Variants in OR6Y1 observed in about 807,000 individuals in gnomAD.
OR6Y1 encodes the protein olfactory receptor 6Y1.
OR6Y1 carries 1 observed loss-of-function variant against 0.4 expected under a neutral mutation model. The observed-to-expected ratio is 2.74, with a 90% confidence interval of 0.97 to 13.02. The LOEUF is 13.02. OR6Y1 is among the 30% of genes most tolerant of loss of function. The pLI is 0.12. For missense variants in OR6Y1, 480 were observed against 399.8 expected, an observed-to-expected ratio of 1.20 and a Z score of -1.71; for synonymous variants, 173 against 141.1, an observed-to-expected ratio of 1.23 and a Z score of -1.60.
intron 1 of OR6Y1, among the ~76,000 whole-genome samples, chr1:158,553,631 G>A (rs1647758677): frequency 6.6e-6 from 1 of 152,004 alleles, no homozygotes; most frequent in South Asian, 2.1e-4. Flanking sequence ...ACATCATTTT[G>A]TTTGTCAGTC....
chr1:158,548,268 T>G lies in OR6Y1; in HGVS notation c.-163A>C. ...GAATTATGAAGAGAACCAAAGCTTT[T>G]GAGAAAAGATGGAATTTAGGGAGCT... is the stretch of plus-strand genomic sequence containing the variant. On this transcript the variant is annotated 5_prime_UTR_variant, in exon 2 of 2. Coordinates refer to ENST00000641622, the MANE Select transcript of OR6Y1 (RefSeq NM_001005189.2). The G allele has an allele frequency of 1.6e-6, 1 of 644,762 alleles. No individual in the cohort carries two copies. The highest frequency in any genetic ancestry group is 2.6e-6 in the Non-Finnish European group (1 of 388,764). 39.9% of individuals were successfully genotyped at this position (644,762 alleles called of 1,614,324 possible).
In OR6Y1 at chr1:158,547,143, C is replaced by T; in HGVS notation, c.963G>A (p.Gly321=). The T allele has an allele frequency of 1.9e-6, 3 of 1,612,432 alleles. No individual in the cohort carries two copies. Among genetic ancestry groups the T allele is most frequent in the Non-Finnish European group, 2.5e-6 (3 of 1,179,662 alleles). Residue 321 remains glycine (G), a synonymous_variant, in exon 2 of 2, where the codon GGG becomes GGA. Transcript: ENST00000641622. ...HCRGSGPQGN[G]AFSS is the part of the protein sequence containing the mutation. ...TATACATTTTTTAACTACTGAAAGC[C>T]CCATTTCCCTGGGGCCCACTTCCTC...
At position 158,547,772 on chromosome 1, in the gene OR6Y1, A is replaced by C; in HGVS notation, c.334T>G (p.Phe112Val). 1 of 1,613,560 alleles carries C rather than the reference A, an allele frequency of 6.2e-7. No individual in the cohort carries two copies. The highest frequency in any genetic ancestry group is 2.2e-5 in the East Asian group (1 of 44,866). Residue 112 changes from phenylalanine to valine, a missense_variant, in exon 2 of 2, where the codon TTT becomes GTT. Coordinates refer to ENST00000641622, the MANE Select transcript of OR6Y1 (RefSeq NM_001005189.2). ...AGAAGGATGTACTCAGTGCAGACAA[A>C]GGTCACAAAAAAGTAAAGTTGAGTC... ...CMTQLYFFVTFVCTEYILLAI... is the reference protein window; with the variant it reads ...CMTQLYFFVTVVCTEYILLAI...
At chr1:158,552,503 A>G (rs1480942379) in intron 1 of OR6Y1, among the ~76,000 whole-genome samples, 3 of 152,036 alleles carry the variant, frequency 2.0e-5, no homozygotes, top group Non-Finnish European at 4.4e-5. Context: ...GACCTTTCCC[A>G]CAGCTAGTGG....
rs755758346 is a variant in OR6Y1 at position 158,545,195 on chromosome 1, T to G, written c.*1933A>C. 6.6e-6 allele frequency: 1 copy of G among 151,824 alleles called. No homozygotes were observed. The highest frequency in any genetic ancestry group is 2.4e-5 in the African/African-American group (1 of 41,330). 9.4% of individuals were successfully genotyped at this position (151,824 alleles called of 1,614,324 possible). A position where few individuals can be genotyped will look rare whatever the true frequency, so the allele number is the denominator to read the frequency against. On this transcript the variant is annotated 3_prime_UTR_variant, in exon 2 of 2. Coordinates refer to ENST00000641622, the MANE Select transcript of OR6Y1 (RefSeq NM_001005189.2). ...CTTTTTCTCCACAACCTCACCAGCA[T>G]CTGTTATTTTTTTACATTTTAGTAA...
intron 1 of OR6Y1, among the ~76,000 whole-genome samples, chr1:158,553,458 T>A (rs1231132100): frequency 6.6e-6 from 1 of 152,126 alleles, no homozygotes; most frequent in African/African-American, 2.4e-5. Context: ...ATGTTTGAGA[T>A]GATGAATATG....
In OR6Y1 at chr1:158,548,327, G is replaced by A. The variant is rs1443608294; in HGVS notation, c.-222C>T. On this transcript the variant is annotated 5_prime_UTR_variant, in exon 2 of 2. Coordinates refer to ENST00000641622, the MANE Select transcript of OR6Y1 (RefSeq NM_001005189.2). ...AACTTGTTTTCAGATTTTCTCAAGA[G>A]CAGTAACTTGTCCAAGGTCATACAA... is the stretch of plus-strand genomic sequence containing the variant. 1.2e-5 allele frequency: 6 copies of A among 515,826 alleles called. No homozygotes were observed. Among genetic ancestry groups the A allele is most frequent in the Non-Finnish European group, 2.0e-5 (6 of 294,482 alleles). The allele number at this position is 515,826 out of a possible 1,614,324, so 32.0% of individuals were successfully genotyped here. A position where few individuals can be genotyped will look rare whatever the true frequency, so the allele number is the denominator to read the frequency against.
At position 158,547,258 on chromosome 1, in the gene OR6Y1, T is replaced by C. The variant is rs1355870114; in HGVS notation, c.848A>G (p.Tyr283Cys). The change falls in exon 2 of 2, where the codon TAC becomes TGC. Residue 283 changes from tyrosine to cysteine, a missense_variant. Coordinates refer to ENST00000641622, the MANE Select transcript of OR6Y1 (RefSeq NM_001005189.2). ...GTTGAGGAGTGGAACAATGACAGTG[T>C]AGAGAACAGATACCACTTTGTTGGA... The part of the protein sequence containing the change: ...YNSNKVVSVL[Y>C]TVIVPLLNPI... 2.5e-6 allele frequency: 4 copies of C among 1,613,650 alleles called. No homozygotes were observed. The highest frequency in any genetic ancestry group is 3.4e-6 in the Non-Finnish European group (4 of 1,179,984).
intron 1 of OR6Y1, among the ~76,000 whole-genome samples, chr1:158,553,571 A>G (rs917971608): frequency 1.3e-5 from 2 of 152,028 alleles, no homozygotes; most frequent in Non-Finnish European, 2.9e-5. Context: ...AATTAAAAAT[A>G]AAAGAAAAAA....
In OR6Y1 at chr1:158,553,276, T is replaced by A. The variant is rs141980289; in HGVS notation, c.-1433+990A>T. Among the ~76,000 whole-genome samples, 84 of 152,316 alleles carry A rather than the reference T, an allele frequency of 5.5e-4. 1 individual carries two copies. The highest frequency in any genetic ancestry group is 2.0e-3 in the African/African-American group (82 of 41,576). On this transcript the variant is annotated intron_variant, in intron 1 of 1. Transcript: ENST00000641622. Reference sequence around the variant, plus strand: ...ATGTGGTCACATAATGTGATGCATTTTTTTGCTCTATGGGAATTTTTCTTG... The same window carrying A: ...ATGTGGTCACATAATGTGATGCATTATTTTGCTCTATGGGAATTTTTCTTG...
chr1:158,548,213 G>A lies in OR6Y1; in HGVS notation c.-108C>T. 4.3e-6 allele frequency: 5 copies of A among 1,163,300 alleles called. No homozygotes were observed. Among genetic ancestry groups the A allele is most frequent in the African/African-American group, 3.1e-5 (2 of 63,862 alleles). The allele number at this position is 1,163,300 out of a possible 1,614,324, so 72.1% of individuals were successfully genotyped here. Reference sequence around the variant, plus strand: ...CACCAGCAAATTTATCACAATAGGAGGTTTCTGCTTTTTTATCTTACTGCC... The same window carrying A: ...CACCAGCAAATTTATCACAATAGGAAGTTTCTGCTTTTTTATCTTACTGCC... On this transcript the variant is annotated 5_prime_UTR_variant, in exon 2 of 2. Transcript: ENST00000641622.
rs991551011 is a variant in OR6Y1 at position 158,545,571 on chromosome 1, G to A, written c.*1557C>T. The A allele has an allele frequency of 6.6e-6, 1 of 151,868 alleles. No individual in the cohort carries two copies. Among genetic ancestry groups the A allele is most frequent in the African/African-American group, 2.4e-5 (1 of 41,372 alleles). The allele number at this position is 151,868 out of a possible 1,614,324, so 9.4% of individuals were successfully genotyped here. On this transcript the variant is annotated 3_prime_UTR_variant, in exon 2 of 2. Coordinates refer to ENST00000641622, the MANE Select transcript of OR6Y1 (RefSeq NM_001005189.2). ...CAGTGAGCCTTTTTTTCATATGATT[G>A]TTGGCTGCATGTATGTTTTCTTTTG...
At chr1:158,551,427 T>C (rs1460248112) in intron 1 of OR6Y1, among the ~76,000 whole-genome samples, 1 of 151,702 alleles carries the variant, frequency 6.6e-6, no homozygotes, top group Non-Finnish European at 1.5e-5. Flanking sequence ...CCCAGAGTGA[T>C]TTAAGTGATT....
chr1:158,550,854 T>C (rs1647683716), intron 1 of OR6Y1, among the ~76,000 whole-genome samples: 1 of 151,762 alleles, frequency 6.6e-6, no homozygotes, highest in African/African-American at 2.4e-5. Flanking sequence ...CTATGCTGAA[T>C]ATATGGAATC....
Position 158,546,887 on chromosome 1 carries a change from G to T in OR6Y1, c.*241C>A. On this transcript the variant is annotated 3_prime_UTR_variant, in exon 2 of 2. Transcript: ENST00000641622. ...TGTCTCTCTCTCTGTGTTTCTTCCT[G>T]ATTTCAAATAGCTTTTCTAACATTT... 1 of 347,752 alleles carries T rather than the reference G, an allele frequency of 2.9e-6. No individual in the cohort carries two copies. The highest frequency in any genetic ancestry group is 5.2e-6 in the Non-Finnish European group (1 of 190,600). 21.5% of individuals were successfully genotyped at this position (347,752 alleles called of 1,614,324 possible).
chr1:158,546,038 C>G lies in OR6Y1; in HGVS notation c.*1090G>C, dbSNP rs576580394. ...CTTCTGGTGTTTGCCAGCAATACTTCTTCCTTAGCTTATAGATGCATTACT... is the reference window on the plus strand; with the variant it reads ...CTTCTGGTGTTTGCCAGCAATACTTGTTCCTTAGCTTATAGATGCATTACT... On this transcript the variant is annotated 3_prime_UTR_variant, in exon 2 of 2. Coordinates refer to ENST00000641622, the MANE Select transcript of OR6Y1 (RefSeq NM_001005189.2). 6.6e-6 allele frequency: 1 copy of G among 152,238 alleles called. No homozygotes were observed. The highest frequency in any genetic ancestry group is 1.5e-5 in the Non-Finnish European group (1 of 68,072). 9.4% of individuals were successfully genotyped at this position (152,238 alleles called of 1,614,324 possible).
rs1237494944 is a variant in OR6Y1, at chr1:158,545,961, C to T, written c.*1167G>A. On this transcript the variant is annotated 3_prime_UTR_variant, in exon 2 of 2. Coordinates refer to ENST00000641622, the MANE Select transcript of OR6Y1 (RefSeq NM_001005189.2). ...AAATAAAGTACTTGGGAGGGCCATA[C>T]TCTCTCTCTCTCTTTCAGCTCTAGG... 6.6e-6 allele frequency: 1 copy of T among 151,632 alleles called. No individual in the cohort carries two copies. Among genetic ancestry groups the T allele is most frequent in the African/African-American group, 2.4e-5 (1 of 41,330 alleles). The allele number at this position is 151,632 out of a possible 1,614,324, so 9.4% of individuals were successfully genotyped here.
rs909537074 is a variant in OR6Y1 at position 158,547,000 on chromosome 1, T to G, written c.*128A>C. On this transcript the variant is annotated 3_prime_UTR_variant, in exon 2 of 2. Coordinates refer to ENST00000641622, the MANE Select transcript of OR6Y1 (RefSeq NM_001005189.2). ...GATTGTGTATACACACACACACACA[T>G]GCACACACACACAGAGGAGAGCAGT... 3 of 838,386 alleles carry G rather than the reference T, an allele frequency of 3.6e-6. No homozygotes were observed. The highest frequency in any genetic ancestry group is 2.5e-5 in the Admixed American group (1 of 39,460). The allele number at this position is 838,386 out of a possible 1,614,324, so 51.9% of individuals were successfully genotyped here.
intron 1 of OR6Y1, among the ~76,000 whole-genome samples, chr1:158,550,182 A>T (rs910326336): frequency 2.7e-5 from 4 of 150,616 alleles, no homozygotes; most frequent in African/African-American, 9.9e-5. Flanking sequence ...GCATGGTTAG[A>T]ATAATTCTAC....
Sources: gnomAD v4.1 joint callset for allele counts (sites outside exome capture counted in the v4.1 genomes callset) on GRCh38, gnomAD v4.1.1 for gene constraint, MANE v1.5 for transcripts, NCBI Gene and HGNC (gene_info 2026-07-23, HGNC 2026-07-21) for gene names.